The following CA10 variants were observed in gnomAD, a reference collection of about 807,000 sequenced individuals.
CA10 encodes the protein carbonic anhydrase 10 (inactive).
Under a neutral mutation model 44.2 loss-of-function variants are expected in CA10, and 14 were observed. The ratio of observed to expected loss-of-function variants is 0.32; its 90% CI spans 0.21 to 0.50. CA10 has a LOEUF of 0.50. CA10 is among the 20% of genes least tolerant of loss of function. The pLI, the probability that CA10 is intolerant of heterozygous loss-of-function variation, is 0.99. For synonymous variants in CA10, 159 were observed against 141.6 expected (o/e 1.12, Z -0.87); for missense variants, 350 against 409.7 (o/e 0.85, Z 1.26).
intron 3 of CA10, among the ~76,000 whole-genome samples, chr17:51,810,950 C>A (rs180805721): frequency 6.6e-6 from 1 of 152,226 alleles, no homozygotes; most frequent in African/African-American, 2.4e-5. Flanking sequence ...CAGTGGCTTA[C>A]GCCTGTAATC....
At chr17:52,139,826 G>A (rs1989438374) in intron 1 of CA10, among the ~76,000 whole-genome samples, 1 of 152,106 alleles carries the variant, frequency 6.6e-6, no homozygotes, top group African/African-American at 2.4e-5. Flanking sequence ...GAGATAAAAT[G>A]AGATAATAAA....
intron 2 of CA10, among the ~76,000 whole-genome samples, chr17:51,992,058 T>TG (rs1194566414): frequency 6.6e-6 from 1 of 152,108 alleles, no homozygotes; most frequent in African/African-American, 2.4e-5. Flanking sequence ...TTTTCATGAA[T>TG]GTTGACATTC....
chr17:51,841,696 G>A (rs1978320812), intron 3 of CA10, among the ~76,000 whole-genome samples: 1 of 152,142 alleles, frequency 6.6e-6, no homozygotes. Context: ...TTATTATTTT[G>A]GCTACTTTTT....
intron 1 of CA10, among the ~76,000 whole-genome samples, chr17:52,128,919 G>C (rs1414624435): frequency 2.0e-5 from 3 of 152,054 alleles, no homozygotes; most frequent in Admixed American, 2.0e-4. Flanking sequence ...AATTCCCATG[G>C]GTGAATCACA....
intron 3 of CA10, among the ~76,000 whole-genome samples, chr17:51,776,901 G>T (rs371540184): frequency 1.3e-5 from 2 of 152,142 alleles, no homozygotes; most frequent in African/African-American, 4.8e-5. Context: ...GCCAAGAACC[G>T]TTCCTGGCAC....
At chr17:51,817,125 T>C (rs1448372779) in intron 3 of CA10, among the ~76,000 whole-genome samples, 1 of 152,206 alleles carries the variant, frequency 6.6e-6, no homozygotes, top group Non-Finnish European at 1.5e-5. Flanking sequence ...CCACACAGGA[T>C]GGCTGGGAGG....
intron 3 of CA10, among the ~76,000 whole-genome samples, chr17:51,814,143 T>G (rs1907478366): frequency 6.6e-6 from 1 of 152,188 alleles, no homozygotes; most frequent in East Asian, 1.9e-4. Context: ...CTCAGTTACT[T>G]CAATTGTCAC....
chr17:51,746,009 T>G (rs1291229194), intron 4 of CA10, among the ~76,000 whole-genome samples: 2 of 152,246 alleles, frequency 1.3e-5, no homozygotes, highest in African/African-American at 4.8e-5. Flanking sequence ...CATTTCTTGT[T>G]GTACTCTAGT....
At chr17:51,955,390 G>A (rs1436616704) in intron 2 of CA10, among the ~76,000 whole-genome samples, 3 of 152,070 alleles carry the variant, frequency 2.0e-5, no homozygotes, top group Non-Finnish European at 2.9e-5. Context: ...TAGCAAGCCA[G>A]GTGCTTTTTG....
At position 52,012,318 on chromosome 17, in the gene CA10, A is replaced by G. The variant is rs117064286; in HGVS notation, c.136+60001T>C. ...TTTGGAGACACTGAGTCACTTAACA[A>G]TGGCCACACAGCTGATAGGTAGGAG... On this transcript the variant is annotated intron_variant, in intron 2 of 8. Coordinates refer to ENST00000451037, the MANE Select transcript of CA10 (RefSeq NM_020178.5). Among the ~76,000 whole-genome samples, 21 of 152,130 alleles carry G rather than the reference A, an allele frequency of 1.4e-4. No individual in the cohort carries two copies. The East Asian group carries it at 2.5e-3, about 18-fold the overall frequency.
At chr17:52,072,431 C>G in intron 1 of CA10, 38 bp from the exon 2 acceptor site, 1 of 1,449,550 alleles carries the variant, frequency 6.9e-7, no homozygotes, top group Non-Finnish European at 9.7e-7. Flanking sequence ...AAGATGATAG[C>G]AGAGAAGCAC....
chr17:51,850,113 A>C (rs1978723941), intron 3 of CA10, among the ~76,000 whole-genome samples: 1 of 152,226 alleles, frequency 6.6e-6, no homozygotes, highest in Admixed American at 6.5e-5. Flanking sequence ...ATAAAATGTC[A>C]CTTTACATGC....
At chr17:52,094,073 T>G (rs1479983780) in intron 1 of CA10, among the ~76,000 whole-genome samples, 1 of 152,082 alleles carries the variant, frequency 6.6e-6, no homozygotes, top group Admixed American at 6.6e-5. Flanking sequence ...ATGTTCTCAC[T>G]CATAAGTGGG....
At chr17:51,739,181 T>G (rs945677480) in intron 4 of CA10, among the ~76,000 whole-genome samples, 1 of 152,132 alleles carries the variant, frequency 6.6e-6, no homozygotes, top group Non-Finnish European at 1.5e-5. Context: ...GTCATTCTTA[T>G]TTAACACCTC....
At chr17:51,662,701 G>T (rs534038282) in intron 4 of CA10, among the ~76,000 whole-genome samples, 3 of 152,260 alleles carry the variant, frequency 2.0e-5, no homozygotes, top group South Asian at 4.2e-4. Context: ...TAACTATCAT[G>T]GGTCTGTCCG....
At chr17:51,741,318 G>C (rs1762734385) in intron 4 of CA10, among the ~76,000 whole-genome samples, 1 of 152,132 alleles carries the variant, frequency 6.6e-6, no homozygotes, top group South Asian at 2.1e-4. Flanking sequence ...TTTGGGATAG[G>C]GCTAGGTGGG....
chr17:51,894,210 T>C (rs1455510059), intron 3 of CA10, among the ~76,000 whole-genome samples: 1 of 151,996 alleles, frequency 6.6e-6, no homozygotes, highest in Non-Finnish European at 1.5e-5. Flanking sequence ...TCTGGGGGAC[T>C]CCAAGATCAG....
At chr17:51,739,081 C>G (rs1277712392) in intron 4 of CA10, among the ~76,000 whole-genome samples, 1 of 152,072 alleles carries the variant, frequency 6.6e-6, no homozygotes, top group Non-Finnish European at 1.5e-5. Flanking sequence ...AAGTCCAGGT[C>G]TATGTCTGGA....
intron 3 of CA10, among the ~76,000 whole-genome samples, chr17:51,810,052 A>T (rs1907295892): frequency 6.6e-6 from 1 of 152,182 alleles, no homozygotes; most frequent in Admixed American, 6.5e-5. Flanking sequence ...GCTGTCATTT[A>T]GCTTTCAGCC....
Sources: gnomAD v4.1 joint callset for allele counts (sites outside exome capture counted in the v4.1 genomes callset) on GRCh38, gnomAD v4.1.1 for gene constraint, MANE v1.5 for transcripts, NCBI Gene and HGNC (gene_info 2026-07-23, HGNC 2026-07-21) for gene names.